PCDHGB3: variants seen among roughly 807,000 people sequenced by gnomAD.
PCDHGB3 encodes the protein protocadherin gamma subfamily B, 3.
In PCDHGB3, 40 loss-of-function variants were observed where a neutral mutation model predicts 59.2. That is an observed-to-expected ratio of 0.68 (90% CI 0.52 to 0.88). PCDHGB3 has a LOEUF of 0.88. Among genes scored for constraint, PCDHGB3 ranks in the 40% least tolerant of loss-of-function variants. The probability of loss-of-function intolerance (pLI) is 0.00; values close to 1 mark genes in which losing one functional copy is unlikely to be tolerated. For missense variants in PCDHGB3, 1,309 were observed against 1,187.9 expected, an observed-to-expected ratio of 1.10 and a Z score of -1.50; for synonymous variants, 581 against 503.6, an observed-to-expected ratio of 1.15 and a Z score of -2.06.
Position 141,413,187 on chromosome 5 carries a change from A to G in PCDHGB3, c.2415+40378A>G, listed in dbSNP as rs778441437. The G allele has an allele frequency of 6.2e-6, 10 of 1,606,328 alleles. No individual in the cohort carries two copies. The African/African-American group carries it at 1.3e-4, about 22-fold the overall frequency. On this transcript the variant is annotated intron_variant, in intron 1 of 3. Transcript: ENST00000576222. Reference sequence around the variant, plus strand: ...GTAACCAGACTACAATGGCCGCTCAAAGGAATCGCTCAAAGGAATCAAAGG... The same window carrying G: ...GTAACCAGACTACAATGGCCGCTCAGAGGAATCGCTCAAAGGAATCAAAGG...
At position 141,404,477 on chromosome 5, in the gene PCDHGB3, T is replaced by C. The variant is rs750187565; in HGVS notation, c.2415+31668T>C. On this transcript the variant is annotated intron_variant, in intron 1 of 3. Coordinates refer to ENST00000576222, the MANE Select transcript of PCDHGB3 (RefSeq NM_018924.5). ...TCTCTCCACCTATGTCTCTATTAAC[T>C]CAGACACTGGTGTGCTGTATGCTCT... is the stretch of plus-strand genomic sequence containing the variant. The C allele has an allele frequency of 3.1e-6, 5 of 1,613,408 alleles. No individual in the cohort carries two copies. In the South Asian group the frequency reaches 4.4e-5, roughly 14 times the overall value.
chr5:141,461,647 C>T (rs1242234255), intron 1 of PCDHGB3, among the ~76,000 whole-genome samples: 3 of 152,006 alleles, frequency 2.0e-5, no homozygotes, highest in Non-Finnish European at 4.4e-5. Context: ...TTCTTTGACC[C>T]ATGGATTATT....
At chr5:141,441,308 C>T (rs984341964) in intron 1 of PCDHGB3, 2 of 152,164 alleles carry the variant, frequency 1.3e-5, no homozygotes, top group African/African-American at 2.4e-5. Flanking sequence ...TAAGAAAATG[C>T]ACCTTGAGAA....
Position 141,477,209 on chromosome 5 carries a change from GC to G in PCDHGB3, c.2416-17594del. On this transcript the variant is annotated intron_variant, in intron 1 of 3. Transcript: ENST00000576222. The surrounding 1 kb of genome is among the most constrained non-coding windows in gnomAD (Gnocchi z 4.9). Reference sequence around the variant, plus strand: ...CGTGTACAGCCCAGTACCCGAGGATGCCCCTCTGGGGACTGTCATCGCTTTG... The same window carrying G: ...CGTGTACAGCCCAGTACCCGAGGATGCCCTCTGGGGACTGTCATCGCTTTG... The G allele has an allele frequency of 6.2e-7, 1 of 1,614,194 alleles. No homozygotes were observed. Among genetic ancestry groups the G allele is most frequent in the Non-Finnish European group, 8.5e-7 (1 of 1,180,038 alleles).
chr5:141,509,719 C>G (rs2099877973), intron 3 of PCDHGB3, among the ~76,000 whole-genome samples: 1 of 152,152 alleles, frequency 6.6e-6, no homozygotes, highest in Non-Finnish European at 1.5e-5. Flanking sequence ...TGTCTGATGT[C>G]ACCTAGCTGT....
Position 141,489,317 on chromosome 5 carries a change from G to T in PCDHGB3, c.2416-5490G>T. ...ATGTTGTCCTTGTGCTGCTGGGGCT[G>T]GGTGTCTGGGCAGCTTCGTTACTCA... is the stretch of plus-strand genomic sequence containing the variant. On this transcript the variant is annotated intron_variant, in intron 1 of 3. Coordinates refer to ENST00000576222, the MANE Select transcript of PCDHGB3 (RefSeq NM_018924.5). The surrounding 1 kb of genome is among the most constrained non-coding windows in gnomAD (Gnocchi z 4.5). 6.3e-7 allele frequency: 1 copy of T among 1,598,654 alleles called. No homozygotes were observed. The highest frequency in any genetic ancestry group is 8.5e-7 in the Non-Finnish European group (1 of 1,171,456).
chr5:141,508,451 C>T (rs1245251907), intron 3 of PCDHGB3, among the ~76,000 whole-genome samples: 1 of 152,180 alleles, frequency 6.6e-6, no homozygotes, highest in Admixed American at 6.5e-5. Flanking sequence ...AGTGGCAGAG[C>T]AGAGCAAATA....
At position 141,375,371 on chromosome 5, in the gene PCDHGB3, C is replaced by A. The variant is rs776202756; in HGVS notation, c.2415+2562C>A. On this transcript the variant is annotated intron_variant, in intron 1 of 3. Coordinates refer to ENST00000576222, the MANE Select transcript of PCDHGB3 (RefSeq NM_018924.5). ...TGTGACAGCCACGGACAAAGGAACA[C>A]CACCTCTGTCTACAGAAACAATCAT... is the stretch of plus-strand genomic sequence containing the variant. 6.2e-7 allele frequency: 1 copy of A among 1,613,880 alleles called. No individual in the cohort carries two copies. The highest frequency in any genetic ancestry group is 1.3e-5 in the African/African-American group (1 of 75,046).
intron 1 of PCDHGB3, chr5:141,376,138 C>G (rs1234340396): frequency 1.2e-6 from 2 of 1,613,948 alleles, no homozygotes; most frequent in South Asian, 2.2e-5. Context: ...CCAAACCCAA[C>G]GATTCGGACC....
At chr5:141,390,475 A>G (rs1355918266) in intron 1 of PCDHGB3, 1 of 686,634 alleles carries the variant, frequency 1.5e-6, no homozygotes, top group Admixed American at 3.0e-5. Context: ...TGTGTGGCCC[A>G]ACATTTGTTT....
At chr5:141,383,394 C>A in intron 1 of PCDHGB3, 2 of 1,614,036 alleles carry the variant, frequency 1.2e-6, no homozygotes, top group Non-Finnish European at 1.7e-6. Context: ...TGGGCACGAA[C>A]TCCCTCCAGA....
intron 1 of PCDHGB3, chr5:141,424,285 T>A (rs573116321): frequency 6.5e-6 from 1 of 152,894 alleles, no homozygotes; most frequent in South Asian, 2.1e-4. Context: ...CTTTGTCTCA[T>A]TTCTTCATCC....
intron 1 of PCDHGB3, among the ~76,000 whole-genome samples, chr5:141,484,179 A>G (rs2099592960): frequency 6.6e-6 from 1 of 152,222 alleles, no homozygotes; most frequent in South Asian, 2.1e-4. Context: ...GATCTCAATC[A>G]TTCAAGGAAG....
intron 1 of PCDHGB3, chr5:141,393,874 G>T (rs1226947734): frequency 1.2e-6 from 2 of 1,613,826 alleles, no homozygotes; most frequent in Non-Finnish European, 1.7e-6. Flanking sequence ...TCTTTGTTTA[G>T]CCCAGTGTTA....
intron 1 of PCDHGB3, chr5:141,418,394 T>C: frequency 6.2e-7 from 1 of 1,614,020 alleles, no homozygotes; most frequent in Non-Finnish European, 8.5e-7. Flanking sequence ...CGAGTATTTC[T>C]CATTGGTGGA....
At chr5:141,397,543 G>A (rs547149193) in intron 1 of PCDHGB3, among the ~76,000 whole-genome samples, 17 of 152,282 alleles carry the variant, frequency 1.1e-4, no homozygotes, top group African/African-American at 3.8e-4. Flanking sequence ...TTTGAAATCA[G>A]TATAGTATGA....
chr5:141,412,415 T>C (rs897201034), intron 1 of PCDHGB3: 5 of 152,248 alleles, frequency 3.3e-5, no homozygotes, highest in Non-Finnish European at 4.4e-5. Context: ...AGATAAAGTA[T>C]GTTTTACACA....
chr5:141,409,041 A>G lies in PCDHGB3; in HGVS notation c.2415+36232A>G, dbSNP rs981171621. On this transcript the variant is annotated intron_variant, in intron 1 of 3. Coordinates refer to ENST00000576222, the MANE Select transcript of PCDHGB3 (RefSeq NM_018924.5). ...GGGGTCAATGCTGAGATAAACTACT[A>G]CTTCCGAAGCACTGCCCAGAGCACA... The G allele has an allele frequency of 8.7e-6, 14 of 1,613,864 alleles. No homozygotes were observed. Among genetic ancestry groups the G allele is most frequent in the Non-Finnish European group, 7.6e-6 (9 of 1,179,894 alleles).
At chr5:141,427,146 AAT>A (rs1561826638) in intron 1 of PCDHGB3, 1 of 456,990 alleles carries the variant, frequency 2.2e-6, no homozygotes, top group Non-Finnish European at 4.4e-6. Context: ...TGATATTGGA[AAT>A]ATGTTTGTGC....
Sources: allele counts gnomAD v4.1 joint callset (sites outside exome capture counted in the v4.1 genomes callset), GRCh38; gene constraint gnomAD v4.1.1; non-coding constraint Gnocchi (gnomAD v3.1); transcripts MANE v1.5; gene names NCBI Gene and HGNC (gene_info 2026-07-23, HGNC 2026-07-21).